The following MACROD1 variants were observed in gnomAD, a reference collection of about 807,000 sequenced individuals.
The protein encoded by MACROD1 is ADP-ribose glycohydrolase MACROD1.
A neutral mutation model predicts 41.4 loss-of-function variants in MACROD1; 31 were observed. The ratio of observed to expected loss-of-function variants is 0.75; its 90% CI spans 0.56 to 1.01. The LOEUF (loss-of-function observed/expected upper bound fraction) is 1.01, where lower values mean the gene tolerates loss of function less well. Ranked by LOEUF, MACROD1 falls within the 50% of genes least tolerant of loss-of-function variation. The pLI is 0.00. For synonymous variants in MACROD1, 252 were observed against 203.4 expected, an observed-to-expected ratio of 1.24 and a Z score of -2.03; for missense variants, 473 against 460.0, an observed-to-expected ratio of 1.03 and a Z score of -0.26.
chr11:64,030,013 G>T lies in MACROD1; in HGVS notation c.518-14732C>A, dbSNP rs570403891. On this transcript the variant is annotated intron_variant, in intron 3 of 10. Coordinates refer to ENST00000255681, the MANE Select transcript of MACROD1 (RefSeq NM_014067.4). Reference sequence around the variant, plus strand: ...CCTGGCCACCAACCGCCTCAGTCCTGCTGGGGCTGGGGGCTGACCAGCTGA... The same window carrying T: ...CCTGGCCACCAACCGCCTCAGTCCTTCTGGGGCTGGGGGCTGACCAGCTGA... Among the ~76,000 whole-genome samples, 447 of 152,246 alleles carry T rather than the reference G, an allele frequency of 2.9e-3. 3 individuals are homozygous for T. The highest frequency in any genetic ancestry group is 0.01 in the Middle Eastern group (3 of 294).
chr11:64,041,584 C>T (rs1381818601), intron 3 of MACROD1, among the ~76,000 whole-genome samples: 1 of 151,546 alleles, frequency 6.6e-6, no homozygotes, highest in African/African-American at 2.4e-5. Flanking sequence ...AGCGAGTGAA[C>T]AGATGAATGA....
In MACROD1 at chr11:64,047,639, G is replaced by A. The variant is rs150682126; in HGVS notation, c.518-32358C>T. Among the ~76,000 whole-genome samples the A allele has an allele frequency of 3.5e-3, 526 of 152,238 alleles. 5 individuals are homozygous for A. The highest frequency in any genetic ancestry group is 0.012 in the African/African-American group (513 of 41,534). On this transcript the variant is annotated intron_variant, in intron 3 of 10. Coordinates refer to ENST00000255681, the MANE Select transcript of MACROD1 (RefSeq NM_014067.4). ...AGGCCGGGCGCGGTGGCTTATGCTT[G>A]TAATCCCAGCACTTTGGGAGCCTGA...
intron 3 of MACROD1, among the ~76,000 whole-genome samples, chr11:64,113,140 G>T: frequency 6.6e-6 from 1 of 152,206 alleles, no homozygotes; most frequent in East Asian, 1.9e-4. Flanking sequence ...TCTTGAGTAA[G>T]CTAACATCTC....
chr11:64,137,383 G>T (rs1017588299), intron 3 of MACROD1, among the ~76,000 whole-genome samples: 2 of 152,158 alleles, frequency 1.3e-5, no homozygotes, highest in South Asian at 4.1e-4. Flanking sequence ...AAGAATAGTT[G>T]GTGAGGATAC....
At chr11:64,076,825 C>A (rs1365062854) in intron 3 of MACROD1, among the ~76,000 whole-genome samples, 1 of 152,192 alleles carries the variant, frequency 6.6e-6, no homozygotes, top group Non-Finnish European at 1.5e-5. Flanking sequence ...CGTGAGCAGC[C>A]CCCCGGTCCT....
chr11:64,099,665 T>G (rs1944637358), intron 3 of MACROD1, among the ~76,000 whole-genome samples: 1 of 146,194 alleles, frequency 6.8e-6, no homozygotes. Context: ...GAGAGATGAG[T>G]GGATAGATTG....
chr11:64,132,159 C>G (rs1945275014), intron 3 of MACROD1, among the ~76,000 whole-genome samples: 1 of 151,972 alleles, frequency 6.6e-6, no homozygotes, highest in South Asian at 2.1e-4. Flanking sequence ...GACCTACAGT[C>G]TGGGATGTGG....
intron 3 of MACROD1, among the ~76,000 whole-genome samples, chr11:64,123,475 T>C: frequency 6.8e-6 from 1 of 147,990 alleles, no homozygotes; most frequent in Non-Finnish European, 1.5e-5. Flanking sequence ...TTTTCGTGGT[T>C]TATGAACCTG....
At chr11:64,007,903 A>AGGCT (rs950000477) in intron 4 of MACROD1, among the ~76,000 whole-genome samples, 1 of 152,194 alleles carries the variant, frequency 6.6e-6, no homozygotes, top group Non-Finnish European at 1.5e-5. Context: ...CAGAGGGCCG[A>AGGCT]GGCTGGCCAC....
chr11:64,117,572 C>T (rs762156219), intron 3 of MACROD1: 16 of 1,609,612 alleles, frequency 9.9e-6, no homozygotes, highest in Middle Eastern at 1.7e-4. Flanking sequence ...CGGGTGATGG[C>T]GCCAAGACCC....
chr11:64,055,115 G>A (rs1338150609), intron 3 of MACROD1, among the ~76,000 whole-genome samples: 1 of 152,142 alleles, frequency 6.6e-6, no homozygotes, highest in Non-Finnish European at 1.5e-5. Context: ...GCCAACCTGT[G>A]TGTCCTGAGA....
At chr11:64,001,276 C>A (rs980137639) in intron 4 of MACROD1, 2 of 615,546 alleles carry the variant, frequency 3.2e-6, no homozygotes, top group Non-Finnish European at 5.8e-6. Context: ...TGGCGTCCAC[C>A]CTCTTATCTG....
chr11:64,000,829 G>A (rs1942812657), intron 4 of MACROD1, among the ~76,000 whole-genome samples: 1 of 152,070 alleles, frequency 6.6e-6, no homozygotes, highest in Admixed American at 6.5e-5. Context: ...CCCAGGCGGC[G>A]CCCCATCACG....
At chr11:64,010,479 G>GTGCTGGCTGGCA (rs1565193234) in intron 4 of MACROD1, among the ~76,000 whole-genome samples, 1 of 150,182 alleles carries the variant, frequency 6.7e-6, no homozygotes, top group Non-Finnish European at 1.5e-5. Flanking sequence ...GTTGGTTGGG[G>GTGCTGGCTGGCA]TGTTGGCTGG....
rs992169393 is a variant in MACROD1 at position 64,064,524 on chromosome 11, G to A, written c.518-49243C>T. ...GCACGCAGGCAGGGTGCATATGTAC[G>A]TATGTGCCTGGCATGGTCCTTGCCT... On this transcript the variant is annotated intron_variant, in intron 3 of 10. Transcript: ENST00000255681. The surrounding 1 kb of genome is among the most constrained non-coding windows in gnomAD (Gnocchi z 4.5). Among the ~76,000 whole-genome samples the A allele has an allele frequency of 7.9e-5, 12 of 152,084 alleles. No individual in the cohort carries two copies. Among genetic ancestry groups the A allele is most frequent in the Admixed American group, 6.5e-4 (10 of 15,284 alleles).
At chr11:64,054,766 T>C (rs556427330) in intron 3 of MACROD1, among the ~76,000 whole-genome samples, 31 of 152,194 alleles carry the variant, frequency 2.0e-4, no homozygotes, top group African/African-American at 7.2e-4. Context: ...GCCAGCCCCT[T>C]CCTGCCTTGA....
At chr11:64,060,798 T>C (rs1804926724) in intron 3 of MACROD1, 2 of 152,352 alleles carry the variant, frequency 1.3e-5, no homozygotes, top group South Asian at 4.1e-4. Context: ...GAATGCCCAG[T>C]CTTTGAGTCC....
chr11:64,111,594 C>G (rs1944863774), intron 3 of MACROD1, among the ~76,000 whole-genome samples: 2 of 152,180 alleles, frequency 1.3e-5, no homozygotes, highest in East Asian at 3.9e-4. Context: ...GGCTGCTGGG[C>G]TGTGAAATGA....
At chr11:64,051,771 T>G (rs1429805896) in intron 3 of MACROD1, among the ~76,000 whole-genome samples, 1 of 152,130 alleles carries the variant, frequency 6.6e-6, no homozygotes. Context: ...TCAGGACAAC[T>G]TCTGAGGGTG....
Sources: allele counts gnomAD v4.1 joint callset (sites outside exome capture counted in the v4.1 genomes callset), GRCh38; gene constraint gnomAD v4.1.1; non-coding constraint Gnocchi (gnomAD v3.1); transcripts MANE v1.5; gene names NCBI Gene and HGNC (gene_info 2026-07-23, HGNC 2026-07-21).